Variants in VAV3 observed in about 807,000 individuals in gnomAD.
VAV3 encodes guanine nucleotide exchange factor VAV3.
In VAV3, 94 loss-of-function variants were observed where a neutral mutation model predicts 131.2. The observed-to-expected ratio is 0.72, with a 90% CI of 0.61 to 0.85. VAV3 has a LOEUF of 0.85. Among genes scored for constraint, VAV3 ranks in the 40% least tolerant of loss-of-function variants. VAV3 has a pLI of 0.00. For missense variants in VAV3, 939 were observed against 1,002.7 expected (o/e 0.94, Z 0.86); for synonymous variants, 349 against 342.0 (o/e 1.02, Z -0.22).
chr1:107,746,492 C>T (rs780754863), intron 15 of VAV3, among the ~76,000 whole-genome samples: 4 of 152,174 alleles, frequency 2.6e-5, no homozygotes, highest in Non-Finnish European at 4.4e-5. Context: ...TGCAGCCATC[C>T]TTATTGTGGT....
intron 25 of VAV3, among the ~76,000 whole-genome samples, chr1:107,576,189 GCACA>G (rs994069356): frequency 1.3e-5 from 2 of 151,940 alleles, no homozygotes; most frequent in African/African-American, 4.8e-5. Context: ...CATGGCATGA[GCACA>G]CACACAAACA....
intron 15 of VAV3, among the ~76,000 whole-genome samples, chr1:107,739,167 G>A (rs72979637): frequency 0.029 from 4,416 of 152,236 alleles, 205 homozygotes; most frequent in African/African-American, 0.095. Context: ...AGAATGCCAA[G>A]AAGTATCAAA....
At chr1:107,773,324 A>G (rs17483855) in intron 4 of VAV3, among the ~76,000 whole-genome samples, 47,035 of 152,126 alleles carry the variant, frequency 0.31, 7,921 homozygotes, top group Non-Finnish European at 0.38. Context: ...TCAAGACCTC[A>G]GTTTCATCAA....
chr1:107,679,161 A>G (rs2101717075), intron 19 of VAV3, among the ~76,000 whole-genome samples: 1 of 152,268 alleles, frequency 6.6e-6, no homozygotes, highest in South Asian at 2.1e-4. Flanking sequence ...TGTCAATCCT[A>G]TCCACCTGAA....
intron 15 of VAV3, among the ~76,000 whole-genome samples, chr1:107,722,918 T>G (rs1351940825): frequency 7.0e-6 from 1 of 143,570 alleles, no homozygotes; most frequent in Non-Finnish European, 1.5e-5. Context: ...GGAGAATTCC[T>G]GTTCATTCTT....
rs1340105156 is a variant in VAV3 at position 107,661,710 on chromosome 1, C to T, written c.1778-18955G>A. On this transcript the variant is annotated intron_variant, in intron 19 of 26. Coordinates refer to ENST00000370056, the MANE Select transcript of VAV3 (RefSeq NM_006113.5). ...AAATAATTTTAACAAAATTTTTCTG[C>T]ATTTCTTGACTAATTTTGCTTGTAC... Among the ~76,000 whole-genome samples the T allele has an allele frequency of 2.0e-5, 3 of 152,058 alleles. No homozygotes were observed. The East Asian group carries it at 5.8e-4, about 29-fold the overall frequency.
chr1:107,922,004 G>T (rs925565445), intron 1 of VAV3, among the ~76,000 whole-genome samples: 1 of 152,120 alleles, frequency 6.6e-6, no homozygotes, highest in Non-Finnish European at 1.5e-5. Flanking sequence ...ATGACCCAAG[G>T]AATAGACACT....
At chr1:107,614,432 CT>C (rs1652987550) in intron 21 of VAV3, among the ~76,000 whole-genome samples, 3 of 151,942 alleles carry the variant, frequency 2.0e-5, no homozygotes, top group Non-Finnish European at 4.4e-5. Flanking sequence ...CTATCCCCTC[CT>C]CTTCAAATTC....
intron 18 of VAV3, among the ~76,000 whole-genome samples, chr1:107,683,859 T>A (rs1316536016): frequency 1.3e-5 from 2 of 152,200 alleles, no homozygotes; most frequent in Admixed American, 1.3e-4. Flanking sequence ...CCAGCAGCCA[T>A]CTTGGTTAGA....
At chr1:107,663,399 T>C (rs1258002288) in intron 19 of VAV3, among the ~76,000 whole-genome samples, 3 of 152,196 alleles carry the variant, frequency 2.0e-5, no homozygotes, top group Non-Finnish European at 4.4e-5. Flanking sequence ...TAGTATTCTA[T>C]TGGAAAGGCT....
intron 2 of VAV3, among the ~76,000 whole-genome samples, chr1:107,837,974 C>T (rs911635464): frequency 6.6e-6 from 1 of 152,042 alleles, no homozygotes; most frequent in African/African-American, 2.4e-5. Context: ...CAACATGGGA[C>T]CTGGCAAATA....
intron 25 of VAV3, among the ~76,000 whole-genome samples, chr1:107,588,409 T>C (rs1650671844): frequency 6.6e-6 from 1 of 152,184 alleles, no homozygotes. Flanking sequence ...TTTATAAATA[T>C]ACTTAAAATT....
chr1:107,820,976 A>G (rs563714585), intron 2 of VAV3: 2 of 152,330 alleles, frequency 1.3e-5, no homozygotes. Flanking sequence ...AGCTGACAGT[A>G]TAAATCCACT....
rs1426927802 is a variant in VAV3 at position 107,572,117 on chromosome 1, G to A, written c.*1214C>T. ...GGGGACTCTGGACCCCAGGAAGAAT[G>A]TATTTAGGCTCCTCACAAAAAAGAG... On this transcript the variant is annotated 3_prime_UTR_variant, in exon 27 of 27. Transcript: ENST00000370056. The A allele has an allele frequency of 6.6e-6, 1 of 152,238 alleles. No homozygotes were observed. Among genetic ancestry groups the A allele is most frequent in the Admixed American group, 6.5e-5 (1 of 15,282 alleles). 9.4% of individuals were successfully genotyped at this position (152,238 alleles called of 1,614,324 possible). A position where few individuals can be genotyped will look rare whatever the true frequency, so the allele number is the denominator to read the frequency against.
chr1:107,704,430 T>C (rs913862149), intron 17 of VAV3, 120 bp downstream of exon 17: 5 of 680,088 alleles, frequency 7.4e-6, no homozygotes, highest in Non-Finnish European at 1.2e-5. Context: ...TTATAAATAA[T>C]AGTTTCAAAA....
chr1:107,818,927 A>T (rs1276042950), intron 2 of VAV3, among the ~76,000 whole-genome samples: 1 of 152,242 alleles, frequency 6.6e-6, no homozygotes, highest in Non-Finnish European at 1.5e-5. Flanking sequence ...CTTGATTCTC[A>T]TAGTCAAAAT....
intron 15 of VAV3, among the ~76,000 whole-genome samples, chr1:107,724,827 T>G (rs1485873003): frequency 4.7e-5 from 7 of 149,716 alleles, no homozygotes; most frequent in Non-Finnish European, 1.0e-4. Flanking sequence ...ACACTGGATG[T>G]GGTGGGGGGA....
At chr1:107,924,436 G>A (rs539324174) in intron 1 of VAV3, among the ~76,000 whole-genome samples, 1 of 149,892 alleles carries the variant, frequency 6.7e-6, no homozygotes, top group South Asian at 2.1e-4. Context: ...AAAAGAAATA[G>A]CTGGTTTTCT....
chr1:107,733,236 A>G (rs1404173636), intron 15 of VAV3, among the ~76,000 whole-genome samples: 1 of 152,226 alleles, frequency 6.6e-6, no homozygotes, highest in Non-Finnish European at 1.5e-5. Context: ...TTTGTAGGTC[A>G]CCATCATCAA....
Sources: gnomAD v4.1 joint callset for allele counts (sites outside exome capture counted in the v4.1 genomes callset) on GRCh38, gnomAD v4.1.1 for gene constraint, MANE v1.5 for transcripts, NCBI Gene and HGNC (gene_info 2026-07-23, HGNC 2026-07-21) for gene names.